The following VIT variants were observed in gnomAD, a reference collection of about 807,000 sequenced individuals.
VIT encodes vitrin.
A neutral mutation model predicts 78.0 loss-of-function variants in VIT; 99 were observed. The ratio of observed to expected loss-of-function variants is 1.27; its 90% confidence interval spans 1.08 to 1.50. VIT has a LOEUF of 1.50. Among genes scored for constraint, VIT ranks in the 40% most tolerant of loss-of-function variants. VIT has a pLI of 0.00. For synonymous variants in VIT, 374 were observed against 334.3 expected (o/e 1.12, Z -1.29); for missense variants, 1,126 against 875.3 (o/e 1.29, Z -3.61).
chr2:36,806,557 T>C (rs1666741049), intron 14 of VIT, among the ~76,000 whole-genome samples: 1 of 152,226 alleles, frequency 6.6e-6, no homozygotes, highest in East Asian at 1.9e-4. Flanking sequence ...TCTCTTTTTT[T>C]CTTTTTTCAG....
intron 1 of VIT, among the ~76,000 whole-genome samples, chr2:36,697,357 A>G (rs761442486): frequency 1.3e-5 from 2 of 152,240 alleles, no homozygotes; most frequent in Non-Finnish European, 2.9e-5. Context: ...ATAGCAATAT[A>G]GCAAATTGCT....
intron 1 of VIT, among the ~76,000 whole-genome samples, chr2:36,698,607 T>A (rs1308644802): frequency 6.6e-6 from 1 of 152,180 alleles, no homozygotes; most frequent in African/African-American, 2.4e-5. Flanking sequence ...TCAATAGTGG[T>A]TCTCAGCTCC....
At chr2:36,746,619 T>C (rs545042465) in intron 4 of VIT, among the ~76,000 whole-genome samples, 1 of 152,300 alleles carries the variant, frequency 6.6e-6, no homozygotes, top group South Asian at 2.1e-4. Flanking sequence ...GAAGAACTTT[T>C]GTATTTCTGT....
intron 12 of VIT, among the ~76,000 whole-genome samples, chr2:36,793,784 C>T (rs1255609291): frequency 3.9e-5 from 6 of 152,150 alleles, no homozygotes; most frequent in Admixed American, 3.9e-4. Context: ...CACAAAAATC[C>T]ATTTGAGAGG....
rs140165872 is a variant in VIT at position 36,791,569 on chromosome 2, G to A, written c.1058+4293G>A. Among the ~76,000 whole-genome samples, 335 of 152,344 alleles carry A rather than the reference G, an allele frequency of 2.2e-3. 2 individuals carry two copies. The highest frequency in any genetic ancestry group is 7.8e-3 in the African/African-American group (324 of 41,592). ...AGTGTAGCCACACGTGTCCTTAGAA[G>A]TGGAGAAGCTTTCCCAGCTATTGTC... On this transcript the variant is annotated intron_variant, in intron 12 of 15. Coordinates refer to ENST00000379242, the MANE Select transcript of VIT (RefSeq NM_053276.4).
chr2:36,755,174 G>C (rs1429983010), intron 5 of VIT, 120 bp downstream of exon 5: 2 of 1,120,226 alleles, frequency 1.8e-6, no homozygotes, highest in Admixed American at 6.9e-5. Flanking sequence ...TGAAGCATTC[G>C]TTTTTCTGAT....
rs187314577 is a variant in VIT at position 36,776,465 on chromosome 2, G to A, written c.802+1398G>A. Among the ~76,000 whole-genome samples the A allele has an allele frequency of 3.1e-3, 476 of 152,144 alleles. 1 individual carries two copies. The highest frequency in any genetic ancestry group is 0.011 in the African/African-American group (453 of 41,514). ...CAGTTTTTTTTCAGTAAAAATTAACGCTTACATTAAAATATAATAATTCTA... is the reference window on the plus strand; with the variant it reads ...CAGTTTTTTTTCAGTAAAAATTAACACTTACATTAAAATATAATAATTCTA... On this transcript the variant is annotated intron_variant, in intron 9 of 15. Coordinates refer to ENST00000379242, the MANE Select transcript of VIT (RefSeq NM_053276.4).
chr2:36,806,976 C>T (rs544326369), intron 14 of VIT, among the ~76,000 whole-genome samples: 1 of 152,280 alleles, frequency 6.6e-6, no homozygotes, highest in East Asian at 1.9e-4. Flanking sequence ...GTTCATCATC[C>T]TTCCCGCTGA....
chr2:36,749,812 A>G (rs899343547), intron 4 of VIT, among the ~76,000 whole-genome samples: 3 of 152,148 alleles, frequency 2.0e-5, no homozygotes, highest in African/African-American at 7.2e-5. Flanking sequence ...TTTTTTGCAC[A>G]TAAGTGGGTT....
intron 13 of VIT, among the ~76,000 whole-genome samples, chr2:36,804,688 G>C (rs1304376223): frequency 6.6e-6 from 1 of 152,102 alleles, no homozygotes; most frequent in East Asian, 1.9e-4. Flanking sequence ...AAATTAGCTG[G>C]GTGTGGTGGT....
intron 4 of VIT, 150 bp downstream of exon 4, chr2:36,743,406 T>C (rs1463367854): frequency 1.1e-6 from 1 of 906,752 alleles, no homozygotes; most frequent in Non-Finnish European, 1.6e-6. Context: ...AAAGTGCTTT[T>C]ACTGGATATA....
At chr2:36,698,590 A>G (rs754002731) in intron 1 of VIT, among the ~76,000 whole-genome samples, 3 of 152,154 alleles carry the variant, frequency 2.0e-5, no homozygotes, top group Non-Finnish European at 2.9e-5. Context: ...CAGGGCGGCC[A>G]CAAGGGTCAA....
chr2:36,735,601 A>G (rs1029459239), intron 3 of VIT, among the ~76,000 whole-genome samples: 1 of 152,220 alleles, frequency 6.6e-6, no homozygotes, highest in Admixed American at 6.5e-5. Flanking sequence ...GGATGTTGGC[A>G]GAGGTGGGGA....
intron 3 of VIT, among the ~76,000 whole-genome samples, chr2:36,741,766 C>G (rs550809584): frequency 1.7e-4 from 26 of 152,092 alleles, no homozygotes; most frequent in Admixed American, 1.4e-3. Flanking sequence ...TGTAACTGTT[C>G]AGTCTCCACT....
intron 12 of VIT, among the ~76,000 whole-genome samples, chr2:36,791,339 C>G (rs747754676): frequency 6.6e-6 from 1 of 152,194 alleles, no homozygotes; most frequent in Non-Finnish European, 1.5e-5. Context: ...GCTGAGCCAC[C>G]TAATGCAGGA....
intron 1 of VIT, among the ~76,000 whole-genome samples, chr2:36,703,869 T>C (rs76170557): frequency 2.0e-5 from 3 of 152,024 alleles, no homozygotes; most frequent in African/African-American, 7.2e-5. Context: ...ATATATTTAT[T>C]CTGTAAGCTT....
At chr2:36,727,870 C>T (rs1265322966) in intron 2 of VIT, among the ~76,000 whole-genome samples, 31 of 152,214 alleles carry the variant, frequency 2.0e-4, no homozygotes, top group Admixed American at 2.0e-3. Flanking sequence ...CCATCATGTA[C>T]AGTACATAAT....
rs1669691414 is a variant in VIT at position 36,770,663 on chromosome 2, CAGATCTAT to C, written c.680-3123_680-3116del. On this transcript the variant is annotated intron_variant, in intron 7 of 15. Coordinates refer to ENST00000379242, the MANE Select transcript of VIT (RefSeq NM_053276.4). ...CATCAGAGGGGGAAGCCGGGAGAGC[CAGATCTAT>C]AGATATGCTTAGGAAAGAGTTCTGG... Among the ~76,000 whole-genome samples, 3 of 152,152 alleles carry C rather than the reference CAGATCTAT, an allele frequency of 2.0e-5. No homozygotes were observed. In the South Asian group the frequency reaches 6.2e-4, roughly 32 times the overall value.
intron 4 of VIT, among the ~76,000 whole-genome samples, chr2:36,752,984 A>G (rs1460120782): frequency 6.6e-6 from 1 of 152,256 alleles, no homozygotes; most frequent in African/African-American, 2.4e-5. Context: ...TAGACTGGAT[A>G]GAGAAAATAT....
Sources: allele counts gnomAD v4.1 joint callset (sites outside exome capture counted in the v4.1 genomes callset), GRCh38; gene constraint gnomAD v4.1.1; transcripts MANE v1.5; gene names NCBI Gene and HGNC (gene_info 2026-07-23, HGNC 2026-07-21).